Variants in MYRIP observed in about 807,000 individuals in gnomAD.
MYRIP encodes rab effector MyRIP.
MYRIP carries 49 observed loss-of-function variants against 98.0 expected under a neutral mutation model. That is an observed-to-expected ratio of 0.50 (90% CI 0.40 to 0.63). The LOEUF is 0.63. MYRIP is among the 30% of genes least tolerant of loss of function. The probability of loss-of-function intolerance (pLI) is 0.00; values close to 1 mark genes in which losing one functional copy is unlikely to be tolerated. For synonymous variants in MYRIP, 404 were observed against 409.5 expected (o/e 0.99, Z 0.16); for missense variants, 1,004 against 1,058.2 (o/e 0.95, Z 0.71).
In MYRIP at chr3:40,169,277, C is replaced by A. The variant is rs186381359; in HGVS notation, c.730-673C>A. 1.8e-4 allele frequency among the ~76,000 whole-genome samples: 28 copies of A among 152,304 alleles called. No homozygotes were observed. In the East Asian group the frequency reaches 4.2e-3, roughly 23 times the overall value. ...GTTGATTGTTCTCTGGGCTCTCAGC[C>A]TTCCTTTTCATCCTCCTGTCTGGCC... On this transcript the variant is annotated intron_variant, in intron 7 of 16. Transcript: ENST00000302541.
chr3:40,202,949 G>A (rs544600239), intron 10 of MYRIP, among the ~76,000 whole-genome samples: 3 of 113,946 alleles, frequency 2.6e-5, no homozygotes, highest in Admixed American at 1.9e-4. Context: ...TTATTTATTT[G>A]AGACTGAGTT....
intron 3 of MYRIP, among the ~76,000 whole-genome samples, chr3:40,085,087 CTA>C (rs1415680549): frequency 6.7e-6 from 1 of 149,926 alleles, no homozygotes; most frequent in Non-Finnish European, 1.5e-5. Context: ...TAATATGTGT[CTA>C]TGTGTTATAT....
At chr3:40,144,098 A>G (rs547282512) in intron 3 of MYRIP, among the ~76,000 whole-genome samples, 2 of 152,368 alleles carry the variant, frequency 1.3e-5, no homozygotes, top group East Asian at 3.9e-4. Context: ...TGCAAATAAT[A>G]AAAACTCAAC....
At position 40,182,380 on chromosome 3, in the gene MYRIP, G is replaced by A. The variant is rs375195311; in HGVS notation, c.1027+7G>A. Reference sequence around the variant, plus strand: ...GACAGGCTGGATGAAACAAGTAACTGTTTTAAGCAGTATCTAGTTGGTCTG... The same window carrying A: ...GACAGGCTGGATGAAACAAGTAACTATTTTAAGCAGTATCTAGTTGGTCTG... On this transcript the variant is annotated splice_region_variant and intron_variant, in intron 9 of 16. Transcript: ENST00000302541. 4.8e-5 allele frequency: 78 copies of A among 1,610,108 alleles called. No homozygotes were observed. Among genetic ancestry groups the A allele is most frequent in the Non-Finnish European group, 6.5e-5 (77 of 1,178,258 alleles).
At chr3:40,087,968 C>A (rs1948662170) in intron 3 of MYRIP, among the ~76,000 whole-genome samples, 1 of 152,084 alleles carries the variant, frequency 6.6e-6, no homozygotes, top group Admixed American at 6.6e-5. Flanking sequence ...AGACAGGAGA[C>A]CCTATGCTAT....
intron 12 of MYRIP, among the ~76,000 whole-genome samples, chr3:40,236,994 T>C (rs1304793471): frequency 1.3e-5 from 2 of 152,068 alleles, no homozygotes; most frequent in Admixed American, 6.5e-5. Context: ...TATTTTTTGA[T>C]AAAAGTTAAA....
At chr3:40,218,986 GCAAA>G (rs1372813666) in intron 11 of MYRIP, among the ~76,000 whole-genome samples, 3 of 152,002 alleles carry the variant, frequency 2.0e-5, no homozygotes, top group Non-Finnish European at 4.4e-5. Flanking sequence ...ACTGGAATAA[GCAAA>G]CAGATTAATG....
chr3:39,865,841 A>T (rs1364351979), intron 1 of MYRIP, among the ~76,000 whole-genome samples: 3 of 152,164 alleles, frequency 2.0e-5, no homozygotes, highest in Non-Finnish European at 2.9e-5. Flanking sequence ...ATGGAATATA[A>T]ATCACTCTAC....
intron 1 of MYRIP, among the ~76,000 whole-genome samples, chr3:39,843,061 C>T (rs945423779): frequency 1.3e-5 from 2 of 152,208 alleles, no homozygotes; most frequent in African/African-American, 2.4e-5. Flanking sequence ...TTGTGAAACC[C>T]GCAGTGGATC....
intron 2 of MYRIP, among the ~76,000 whole-genome samples, chr3:39,978,822 GTT>G (rs771609813): frequency 1.5e-5 from 2 of 135,018 alleles, no homozygotes; most frequent in Admixed American, 7.3e-5. Flanking sequence ...ACTGGACTTT[GTT>G]TTTTTTTTTT....
chr3:39,830,960 T>G (rs1371814376), intron 1 of MYRIP, among the ~76,000 whole-genome samples: 1 of 152,216 alleles, frequency 6.6e-6, no homozygotes, highest in African/African-American at 2.4e-5. Context: ...ACTTTCAAGA[T>G]TATGAATGAC....
intron 3 of MYRIP, among the ~76,000 whole-genome samples, chr3:40,108,174 TGA>T (rs72224557): frequency 0.43 from 58,660 of 137,640 alleles, 13,532 homozygotes; most frequent in Non-Finnish European, 0.55. Context: ...GCAGTGTTTG[TGA>T]GAGAGAGAGA....
rs567213544 is a variant in MYRIP, at chr3:40,047,417, G to A, written c.332+3146G>A. Among the ~76,000 whole-genome samples the A allele has an allele frequency of 3.9e-5, 6 of 152,296 alleles. No homozygotes were observed. In the South Asian group the frequency reaches 1.2e-3, roughly 32 times the overall value. On this transcript the variant is annotated intron_variant, in intron 3 of 16. Transcript: ENST00000302541. The stretch of plus-strand genomic sequence containing the variant: ...CCTGGAAAGACATGCAACAGCCAGT[G>A]TACCCTTGTTCCATTTTTATTTTAA...
chr3:40,209,599 G>A (rs566846394), intron 10 of MYRIP, among the ~76,000 whole-genome samples: 2 of 151,756 alleles, frequency 1.3e-5, no homozygotes, highest in Admixed American at 1.3e-4. Context: ...AGCTCAGAGA[G>A]TAGTCTGTGA....
At chr3:40,049,176 C>T (rs4676559) in intron 3 of MYRIP, among the ~76,000 whole-genome samples, 38,884 of 151,922 alleles carry the variant, frequency 0.26, 5,148 homozygotes, top group South Asian at 0.32. Context: ...TCATTTTGTA[C>T]GTCATAGGCA....
intron 4 of MYRIP, among the ~76,000 whole-genome samples, chr3:40,156,374 C>T (rs562930239): frequency 4.6e-5 from 7 of 152,248 alleles, no homozygotes; most frequent in South Asian, 2.1e-4. Context: ...GTACCAGTAC[C>T]ATGCTTGTTT....
Position 40,052,222 on chromosome 3 carries a change from A to G in MYRIP, c.332+7951A>G, listed in dbSNP as rs563963446. On this transcript the variant is annotated intron_variant, in intron 3 of 16. Transcript: ENST00000302541. ...TTTCCCAGCCCCTGGTAACCACCGAAATTCTACTCTCTACCTCCATGAGGT... is the reference window on the plus strand; with the variant it reads ...TTTCCCAGCCCCTGGTAACCACCGAGATTCTACTCTCTACCTCCATGAGGT... Among the ~76,000 whole-genome samples, 466 of 151,982 alleles carry G rather than the reference A, an allele frequency of 3.1e-3. 2 individuals are homozygous for G. Among genetic ancestry groups the G allele is most frequent in the Admixed American group, 6.4e-3 (97 of 15,230 alleles).
intron 5 of MYRIP, chr3:40,163,070 T>C: frequency 2.8e-6 from 1 of 361,524 alleles, no homozygotes; most frequent in East Asian, 5.0e-5. Context: ...CTAGTAAATA[T>C]TCTTCTGGAG....
intron 2 of MYRIP, among the ~76,000 whole-genome samples, chr3:40,035,170 A>T (rs992421750): frequency 6.6e-6 from 1 of 151,726 alleles, no homozygotes; most frequent in Non-Finnish European, 1.5e-5. Flanking sequence ...ACATGTATAC[A>T]TATGTAACAA....
Sources: gnomAD v4.1 joint callset for allele counts (sites outside exome capture counted in the v4.1 genomes callset) on GRCh38, gnomAD v4.1.1 for gene constraint, MANE v1.5 for transcripts, NCBI Gene and HGNC (gene_info 2026-07-23, HGNC 2026-07-21) for gene names.